The following AMMECR1 variants were observed in gnomAD, a reference collection of about 807,000 sequenced individuals.
AMMECR1 encodes the protein AMMECR nuclear protein 1, also known as nuclear protein AMMECR1.
A neutral mutation model predicts 22.5 loss-of-function variants in AMMECR1; 3 were observed. The ratio of observed to expected loss-of-function variants is 0.13; its 90% CI spans 0.06 to 0.35. The LOEUF (loss-of-function observed/expected upper bound fraction) is 0.35, where lower values mean the gene tolerates loss of function less well. Ranked by LOEUF, AMMECR1 falls within the 10% of genes least tolerant of loss-of-function variation. AMMECR1 has a pLI of 1.00. For synonymous variants in AMMECR1, 130 were observed against 116.7 expected (o/e 1.11, Z -0.74); for missense variants, 235 against 278.7 (o/e 0.84, Z 1.12).
intron 2 of AMMECR1, among the ~76,000 whole-genome samples, chrX:110,425,707 C>T (rs145776493): frequency 0.019 from 2,091 of 112,030 alleles, 55 homozygotes; most frequent in African/African-American, 0.065. Flanking sequence ...ATTTCCCCCA[C>T]GTTACAGAGC....
intron 2 of AMMECR1, among the ~76,000 whole-genome samples, chrX:110,375,723 T>C (rs906323510): frequency 2.7e-5 from 3 of 112,343 alleles, no homozygotes; most frequent in African/African-American, 6.5e-5. Context: ...TTTTAAAAAT[T>C]AAATTAGAAT....
chrX:110,303,028 C>A (rs1349178236), intron 1 of AMMECR1, among the ~76,000 whole-genome samples: 1 of 111,171 alleles, frequency 9.0e-6, no homozygotes, highest in Non-Finnish European at 1.9e-5. Context: ...GACCTGAGGC[C>A]GTGCTGGACT....
At chrX:110,271,379 C>A (rs992590222) in intron 1 of AMMECR1, among the ~76,000 whole-genome samples, 10 of 112,368 alleles carry the variant, frequency 8.9e-5, no homozygotes, top group African/African-American at 2.9e-4. Flanking sequence ...CTGGCAAATG[C>A]CAGAGGAAGG....
At chrX:110,409,159 G>A (rs965424203) in intron 2 of AMMECR1, among the ~76,000 whole-genome samples, 15 of 111,191 alleles carry the variant, frequency 1.3e-4, no homozygotes, top group Non-Finnish European at 1.7e-4. Flanking sequence ...CAGCATAGTC[G>A]GGGTATATAA....
intron 2 of AMMECR1, among the ~76,000 whole-genome samples, chrX:110,323,295 G>A (rs1191368221): frequency 1.8e-5 from 2 of 111,437 alleles, no homozygotes; most frequent in Non-Finnish European, 3.8e-5. Context: ...TTTACAATTC[G>A]ATGATTTTTA....
At chrX:110,339,412 A>AAC (rs2068153869) in intron 2 of AMMECR1, among the ~76,000 whole-genome samples, 1 of 108,451 alleles carries the variant, frequency 9.2e-6, no homozygotes. Context: ...AAAAAAAAAA[A>AAC]AAAAAAAAAA....
At chrX:110,202,165 G>A (rs2067400339) in intron 4 of AMMECR1, among the ~76,000 whole-genome samples, 1 of 112,105 alleles carries the variant, frequency 8.9e-6, no homozygotes, top group Non-Finnish European at 1.9e-5. Flanking sequence ...CAAATCGGTA[G>A]CAAATTGTTG....
intron 2 of AMMECR1, among the ~76,000 whole-genome samples, chrX:110,328,805 T>G (rs1388708817): frequency 8.9e-6 from 1 of 112,022 alleles, no homozygotes; most frequent in Non-Finnish European, 1.9e-5. Context: ...CTCATCCTTT[T>G]TTATGGCTGC....
chrX:110,357,160 T>G (rs1038931009), intron 2 of AMMECR1, among the ~76,000 whole-genome samples: 3 of 111,755 alleles, frequency 2.7e-5, no homozygotes, highest in African/African-American at 9.7e-5. Flanking sequence ...CACTCTATTT[T>G]TGAAAGATTT....
At chrX:110,237,736 CT>C (rs2067609195) in intron 2 of AMMECR1, among the ~76,000 whole-genome samples, 1 of 112,022 alleles carries the variant, frequency 8.9e-6, no homozygotes, top group Non-Finnish European at 1.9e-5. Flanking sequence ...CTAAAAACCA[CT>C]TCTTAAACTT....
At chrX:110,292,549 C>T (rs966042905) in intron 1 of AMMECR1, among the ~76,000 whole-genome samples, 1 of 112,120 alleles carries the variant, frequency 8.9e-6, no homozygotes, top group African/African-American at 3.2e-5. Context: ...AATGAAATAT[C>T]AAGCCATGAA....
intron 1 of AMMECR1, among the ~76,000 whole-genome samples, chrX:110,314,250 T>C (rs1018777174): frequency 7.2e-5 from 8 of 111,855 alleles, no homozygotes; most frequent in African/African-American, 2.6e-4. Context: ...TGATGTCTTC[T>C]GCAGACCACA....
At position 110,405,096 on chromosome X, in the gene AMMECR1, C is replaced by G. The variant is rs116827927; in HGVS notation, c.-148+21562G>C. Among the ~76,000 whole-genome samples, 204 of 99,612 alleles carry G rather than the reference C, an allele frequency of 2.0e-3. 2 individuals carry two copies. In the South Asian group the frequency reaches 0.038, roughly 19 times the overall value. The allele number at this position is 99,612 out of a possible 115,157, so 86.5% of individuals were successfully genotyped here. A position where few individuals can be genotyped will look rare whatever the true frequency, so the allele number is the denominator to read the frequency against. On this transcript the variant is annotated intron_variant, in intron 2 of 7. Coordinates refer to the AMMECR1 transcript ENST00000372057. ...CAGGTGTGCTTGTTGTGTCCCCCCCCCCCCCAAGCATGAGTCAGAGCCTTT... is the reference window on the plus strand; with the variant it reads ...CAGGTGTGCTTGTTGTGTCCCCCCCGCCCCCAAGCATGAGTCAGAGCCTTT...
intron 2 of AMMECR1, among the ~76,000 whole-genome samples, chrX:110,240,642 C>T (rs1015625029): frequency 1.8e-5 from 2 of 109,620 alleles, no homozygotes; most frequent in African/African-American, 6.7e-5. Flanking sequence ...GAGACTTTAA[C>T]ACCTCACTGT....
intron 3 of AMMECR1, among the ~76,000 whole-genome samples, chrX:110,206,681 T>C (rs924304929): frequency 2.7e-5 from 3 of 111,982 alleles, no homozygotes; most frequent in African/African-American, 9.7e-5. Flanking sequence ...ATTATCTCCA[T>C]AGTCCTGACC....
intron 2 of AMMECR1, among the ~76,000 whole-genome samples, chrX:110,359,523 C>T (rs1264987994): frequency 9.0e-6 from 1 of 111,713 alleles, no homozygotes; most frequent in East Asian, 2.8e-4. Context: ...CCTGAAGTCT[C>T]ACACAACCAT....
chrX:110,239,557 C>T (rs979614388), intron 2 of AMMECR1, among the ~76,000 whole-genome samples: 2 of 111,329 alleles, frequency 1.8e-5, no homozygotes, highest in Non-Finnish European at 3.8e-5. Context: ...TATGAAAAGA[C>T]CAAATATTTT....
chrX:110,405,098 C>G lies in AMMECR1; in HGVS notation c.-148+21560G>C, dbSNP rs192380695. On this transcript the variant is annotated intron_variant, in intron 2 of 7. Transcript: ENST00000372057. ...GGTGTGCTTGTTGTGTCCCCCCCCCCCCCAAGCATGAGTCAGAGCCTTTCA... is the reference window on the plus strand; with the variant it reads ...GGTGTGCTTGTTGTGTCCCCCCCCCGCCCAAGCATGAGTCAGAGCCTTTCA... Among the ~76,000 whole-genome samples the G allele has an allele frequency of 2.7e-3, 270 of 101,674 alleles. 4 individuals carry two copies. The highest frequency in any genetic ancestry group is 0.019 in the Middle Eastern group (4 of 207). 88.3% of individuals were successfully genotyped at this position (101,674 alleles called of 115,157 possible). A position where few individuals can be genotyped will look rare whatever the true frequency, so the allele number is the denominator to read the frequency against.
chrX:110,346,831 T>C (rs766678697), intron 2 of AMMECR1: 1 of 686,235 alleles, frequency 1.5e-6, no homozygotes, highest in South Asian at 2.2e-5. Context: ...TGGGAAACTT[T>C]TACGCTGTTG....
Sources: allele counts gnomAD v4.1 joint callset (sites outside exome capture counted in the v4.1 genomes callset), GRCh38; gene constraint gnomAD v4.1.1; transcripts MANE v1.5; gene names NCBI Gene and HGNC (gene_info 2026-07-23, HGNC 2026-07-21).